The following PPM1D variants were observed in gnomAD, a reference collection of about 807,000 sequenced individuals.
PPM1D encodes protein phosphatase 1D.
Under a neutral mutation model 58.3 loss-of-function variants are expected in PPM1D, and 52 were observed. The observed-to-expected ratio is 0.89, with a 90% CI of 0.71 to 1.12. PPM1D has a LOEUF of 1.12. Ranked by LOEUF, PPM1D falls within the 50% of genes most tolerant of loss-of-function variation. The probability of loss-of-function intolerance (pLI) is 0.00; values close to 1 mark genes in which losing one functional copy is unlikely to be tolerated. For missense variants in PPM1D, 564 were observed against 777.2 expected (o/e 0.73, Z 3.26); for synonymous variants, 278 against 285.1 (o/e 0.98, Z 0.25).
chr17:60,647,510 GTAT>G lies in PPM1D; in HGVS notation c.827-377_827-375del, dbSNP rs577798338. Among the ~76,000 whole-genome samples the G allele has an allele frequency of 3.9e-4, 59 of 151,948 alleles. 1 individual carries two copies. The highest frequency in any genetic ancestry group is 6.9e-4 in the Non-Finnish European group (47 of 67,930). ...ATGAAATTATCTGCAAATAATATTAGTATTATTTTCTCCTTTCCATTTTGTATA... is the reference window on the plus strand; with the variant it reads ...ATGAAATTATCTGCAAATAATATTAGTATTTTCTCCTTTCCATTTTGTATA... On this transcript the variant is annotated intron_variant, in intron 3 of 5. Transcript: ENST00000305921.
At chr17:60,623,020 C>G (rs1185333217) in intron 1 of PPM1D, among the ~76,000 whole-genome samples, 1 of 152,130 alleles carries the variant, frequency 6.6e-6, no homozygotes, top group Non-Finnish European at 1.5e-5. Context: ...TCACTTGAAC[C>G]CAGGAGGCAG....
intron 1 of PPM1D, among the ~76,000 whole-genome samples, chr17:60,620,303 G>C (rs2030674278): frequency 6.6e-6 from 1 of 151,762 alleles, no homozygotes; most frequent in African/African-American, 2.4e-5. Flanking sequence ...GGCCTGCCCA[G>C]TTTTTAACTG....
chr17:60,625,995 C>T (rs777200279), intron 2 of PPM1D, among the ~76,000 whole-genome samples: 1 of 152,050 alleles, frequency 6.6e-6, no homozygotes, highest in Non-Finnish European at 1.5e-5. Context: ...GGCTGTGTGT[C>T]CTTTCAAAAG....
At chr17:60,623,190 T>C (rs945404520) in intron 1 of PPM1D, among the ~76,000 whole-genome samples, 2 of 152,080 alleles carry the variant, frequency 1.3e-5, no homozygotes, top group African/African-American at 4.8e-5. Flanking sequence ...TCAAAACTGA[T>C]TCAGATTAAA....
intron 5 of PPM1D, among the ~76,000 whole-genome samples, chr17:60,658,715 G>A (rs892811032): frequency 7.2e-5 from 11 of 151,824 alleles, no homozygotes; most frequent in Non-Finnish European, 7.4e-5. Context: ...TGTAATCCCA[G>A]CACTTTGGGA....
chr17:60,620,024 A>T (rs1367732745), intron 1 of PPM1D, among the ~76,000 whole-genome samples: 2 of 142,468 alleles, frequency 1.4e-5, no homozygotes, highest in East Asian at 4.1e-4. Context: ...TTTGAGACAG[A>T]GTCTCGCCCT....
chr17:60,630,493 C>T (rs1403916343), intron 2 of PPM1D, among the ~76,000 whole-genome samples: 1 of 152,136 alleles, frequency 6.6e-6, no homozygotes, highest in Non-Finnish European at 1.5e-5. Flanking sequence ...CTGTCCCGGC[C>T]TAGGCAACGG....
At chr17:60,631,456 T>C (rs2030918331) in intron 2 of PPM1D, among the ~76,000 whole-genome samples, 1 of 152,006 alleles carries the variant, frequency 6.6e-6, no homozygotes. Flanking sequence ...CTGGCTAATA[T>C]GGTTAAACCC....
chr17:60,625,392 A>G (rs1295906971), intron 2 of PPM1D, among the ~76,000 whole-genome samples: 1 of 152,220 alleles, frequency 6.6e-6, no homozygotes, highest in Non-Finnish European at 1.5e-5. Context: ...TACTACCTAT[A>G]TAGAAAATAA....
At chr17:60,604,112 A>G (rs927374669) in intron 1 of PPM1D, among the ~76,000 whole-genome samples, 1 of 152,194 alleles carries the variant, frequency 6.6e-6, no homozygotes, top group Non-Finnish European at 1.5e-5. Flanking sequence ...TGCATTAGTT[A>G]TTTGGAAAAT....
chr17:60,655,756 T>C (rs116344800), intron 4 of PPM1D, among the ~76,000 whole-genome samples: 6,952 of 150,600 alleles, frequency 0.046, 572 homozygotes, highest in African/African-American at 0.16. Flanking sequence ...GGCTGGAATG[T>C]GGTGGCCTGA....
chr17:60,613,578 G>A lies in PPM1D; in HGVS notation c.473-9943G>A, dbSNP rs559526155. 2.2e-4 allele frequency among the ~76,000 whole-genome samples: 34 copies of A among 152,374 alleles called. No individual in the cohort carries two copies. The East Asian group carries it at 6.0e-3, about 27-fold the overall frequency. On this transcript the variant is annotated intron_variant, in intron 1 of 5. Transcript: ENST00000305921. ...GCCCCTCCCTGGGCTGGCCGAGGCC[G>A]GAGCCGGCTCCCTCAGCTTGTGGGG...
At chr17:60,662,922 A>G in intron 5 of PPM1D, 73 bp from the exon 6 acceptor site, 2 of 1,389,602 alleles carry the variant, frequency 1.4e-6, no homozygotes, top group Non-Finnish European at 2.0e-6. Flanking sequence ...TAAGAAGCCT[A>G]ATATCACATG....
Position 60,664,244 on chromosome 17 carries a change from CCTAAAACAAT to C in PPM1D, c.*703_*712del, listed in dbSNP as rs975583002. 2.0e-4 allele frequency: 30 copies of C among 152,592 alleles called. No individual in the cohort carries two copies. The highest frequency in any genetic ancestry group is 7.0e-4 in the African/African-American group (29 of 41,442). 9.5% of individuals were successfully genotyped at this position (152,592 alleles called of 1,614,324 possible). ...TTCAGCATAGAAGGAAGTGTGTTTG[CCTAAAACAAT>C]CTAAAACAATTCCCTTCTTTTTCAT... On this transcript the variant is annotated 3_prime_UTR_variant, in exon 6 of 6. Transcript: ENST00000305921.
chr17:60,618,888 CT>C (rs890227209), intron 1 of PPM1D, among the ~76,000 whole-genome samples: 13 of 152,116 alleles, frequency 8.5e-5, no homozygotes, highest in African/African-American at 2.9e-4. Context: ...ACATAGTTAC[CT>C]TTTTTTGGTG....
In PPM1D at chr17:60,633,997, G is replaced by A; in HGVS notation, c.826+20G>A. The A allele has an allele frequency of 6.2e-7, 1 of 1,608,780 alleles. No homozygotes were observed. The highest frequency in any genetic ancestry group is 8.5e-7 in the Non-Finnish European group (1 of 1,177,656). On this transcript the variant is annotated intron_variant, in intron 3 of 5. Coordinates refer to ENST00000305921, the MANE Select transcript of PPM1D (RefSeq NM_003620.4). The stretch of plus-strand genomic sequence containing the variant: ...CACTTGGTAAGTAGGACTTAATTTG[G>A]TGAAATTATATTGAATTTTCTACAA...
At chr17:60,607,179 C>A (rs926946486) in intron 1 of PPM1D, among the ~76,000 whole-genome samples, 6 of 151,962 alleles carry the variant, frequency 3.9e-5, no homozygotes, top group African/African-American at 1.5e-4. Context: ...TTTCTTTATT[C>A]ATGATCATAA....
At chr17:60,635,186 T>C (rs982346129) in intron 3 of PPM1D, among the ~76,000 whole-genome samples, 1 of 152,130 alleles carries the variant, frequency 6.6e-6, no homozygotes, top group Non-Finnish European at 1.5e-5. Flanking sequence ...TGAAAAATAC[T>C]GCAATAAATA....
intron 2 of PPM1D, 93 bp downstream of exon 2, chr17:60,623,842 TG>T: frequency 8.1e-7 from 1 of 1,233,616 alleles, no homozygotes; most frequent in Non-Finnish European, 1.1e-6. Context: ...TCCCTTTTAC[TG>T]AAGTTACTTT....
Sources: allele counts gnomAD v4.1 joint callset (sites outside exome capture counted in the v4.1 genomes callset), GRCh38; gene constraint gnomAD v4.1.1; transcripts MANE v1.5; gene names NCBI Gene and HGNC (gene_info 2026-07-23, HGNC 2026-07-21).